The following NRCAM variants were observed in gnomAD, a reference collection of about 807,000 sequenced individuals.
NRCAM encodes NgCAM-related cell adhesion molecule.
In NRCAM, 83 loss-of-function variants were observed where a neutral mutation model predicts 156.5. That is an observed-to-expected ratio of 0.53 (90% confidence interval 0.44 to 0.64). The LOEUF is 0.64. NRCAM is among the 30% of genes least tolerant of loss of function. The pLI, the probability that NRCAM is intolerant of heterozygous loss-of-function variation, is 0.00. For synonymous variants in NRCAM, 538 were observed against 563.9 expected (o/e 0.95, Z 0.65); for missense variants, 1,417 against 1,597.3 (o/e 0.89, Z 1.92).
chr7:108,318,655 T>C (rs998302413), intron 2 of NRCAM, among the ~76,000 whole-genome samples: 1 of 152,046 alleles, frequency 6.6e-6, no homozygotes, highest in African/African-American at 2.4e-5. Context: ...TGAGTGCACA[T>C]GTGTGTGTGG....
intron 2 of NRCAM, among the ~76,000 whole-genome samples, chr7:108,351,096 A>G (rs966973369): frequency 2.0e-5 from 3 of 152,168 alleles, no homozygotes; most frequent in African/African-American, 7.2e-5. Flanking sequence ...CCAATGCAAC[A>G]CTGCTGACAA....
At chr7:108,344,126 C>G (rs373779688) in intron 2 of NRCAM, among the ~76,000 whole-genome samples, 1 of 152,156 alleles carries the variant, frequency 6.6e-6, no homozygotes, top group African/African-American at 2.4e-5. Context: ...ATCGGCCAAC[C>G]TCCCCAACAG....
chr7:108,299,120 AAG>A (rs1205075450), intron 3 of NRCAM, among the ~76,000 whole-genome samples: 6 of 109,294 alleles, frequency 5.5e-5, no homozygotes, highest in Admixed American at 9.4e-5. Context: ...AAAAAAAAGA[AAG>A]AAAGAAAGAA....
At chr7:108,329,384 T>C (rs1421365268) in intron 2 of NRCAM, among the ~76,000 whole-genome samples, 1 of 152,196 alleles carries the variant, frequency 6.6e-6, no homozygotes, top group Non-Finnish European at 1.5e-5. Flanking sequence ...AGGACCTCAT[T>C]GTTGAGGCCG....
At chr7:108,188,080 A>G (rs530452496) in intron 20 of NRCAM, among the ~76,000 whole-genome samples, 5 of 152,228 alleles carry the variant, frequency 3.3e-5, no homozygotes, top group Non-Finnish European at 7.3e-5. Flanking sequence ...CATCTGTAAC[A>G]GGAAGTGGGG....
chr7:108,338,267 T>C (rs751359972), intron 2 of NRCAM, among the ~76,000 whole-genome samples: 1 of 152,198 alleles, frequency 6.6e-6, no homozygotes, highest in Non-Finnish European at 1.5e-5. Context: ...CTTAAAAGGG[T>C]AGCCCCAAAA....
intron 13 of NRCAM, among the ~76,000 whole-genome samples, chr7:108,199,047 T>G (rs1377891271): frequency 6.6e-6 from 1 of 152,216 alleles, no homozygotes; most frequent in African/African-American, 2.4e-5. Context: ...GGGATTTAGG[T>G]CTCTGTCTCA....
chr7:108,231,839 CTCTT>C (rs2094379505), intron 7 of NRCAM, among the ~76,000 whole-genome samples: 1 of 151,978 alleles, frequency 6.6e-6, no homozygotes, highest in Admixed American at 6.6e-5. Flanking sequence ...TAAATACATG[CTCTT>C]AAGGTTTTTG....
At chr7:108,312,562 A>G (rs2098817105) in intron 3 of NRCAM, 103 bp downstream of exon 3, 1 of 152,216 alleles carries the variant, frequency 6.6e-6, no homozygotes, top group Non-Finnish European at 1.5e-5. Flanking sequence ...TCTGGATTGA[A>G]AAGTATTAAA....
intron 19 of NRCAM, among the ~76,000 whole-genome samples, chr7:108,190,820 A>G (rs1325290247): frequency 6.6e-6 from 1 of 152,160 alleles, no homozygotes; most frequent in Non-Finnish European, 1.5e-5. Context: ...CCCCATATAC[A>G]TTTCTTGAAA....
chr7:108,184,443 G>A lies in NRCAM; in HGVS notation c.2207C>T (p.Ser736Phe). ...SIGKSLPSEA[S>F]EQYLTKASEP... The stretch of plus-strand genomic sequence containing the variant: ...TGAGGCTTTCGTCAAATACTGCTCA[G>A]ACGCCTCGCTGGGCAAGCTCTTCCC... Residue 736 changes from serine to phenylalanine, a missense_variant, in exon 21 of 33, where the codon TCT (serine) becomes TTT (phenylalanine). By Grantham distance (155) the Ser-to-Phe change is radical. Around this residue, in one of 2 missense-constraint regions of NRCAM, gnomAD observed 1,238 missense variants for 1,336.4 expected, o/e 0.93. Coordinates refer to ENST00000379028, the MANE Select transcript of NRCAM (RefSeq NM_001037132.4). 6.2e-7 allele frequency: 1 copy of A among 1,614,170 alleles called. No individual in the cohort carries two copies. Among genetic ancestry groups the A allele is most frequent in the Non-Finnish European group, 8.5e-7 (1 of 1,180,038 alleles).
At chr7:108,452,855 T>C (rs1005399500) in intron 1 of NRCAM, among the ~76,000 whole-genome samples, 3 of 152,128 alleles carry the variant, frequency 2.0e-5, no homozygotes, top group African/African-American at 7.2e-5. Flanking sequence ...GGTGAGAATA[T>C]AAGGAAAAAG....
chr7:108,447,026 C>T (rs1845072458), intron 1 of NRCAM, among the ~76,000 whole-genome samples: 1 of 152,166 alleles, frequency 6.6e-6, no homozygotes, highest in East Asian at 1.9e-4. Flanking sequence ...CACACCCAGA[C>T]CCACCTGTCT....
At chr7:108,347,595 C>G (rs1159232697) in intron 2 of NRCAM, among the ~76,000 whole-genome samples, 1 of 152,158 alleles carries the variant, frequency 6.6e-6, no homozygotes, top group South Asian at 2.1e-4. Context: ...CAAAAAAATC[C>G]TTCTAAGGAT....
intron 3 of NRCAM, among the ~76,000 whole-genome samples, chr7:108,295,794 C>A (rs186411646): frequency 5.9e-5 from 9 of 152,328 alleles, no homozygotes; most frequent in East Asian, 1.9e-4. Flanking sequence ...TGGAGAACAG[C>A]ATTTGTGACA....
At chr7:108,299,134 G>GAAAGAAAGAAAGAAAGAAAGAAAGAAAGA (rs1563164581) in intron 3 of NRCAM, among the ~76,000 whole-genome samples, 1 of 85,610 alleles carries the variant, frequency 1.2e-5, no homozygotes, top group African/African-American at 4.5e-5. Context: ...AAGAAAGAAA[G>GAAAGAAAGAAAGAAAGAAAGAAAGAAAGA]AAAGAAAAGA....
At chr7:108,187,155 A>G (rs2067390564) in intron 20 of NRCAM, among the ~76,000 whole-genome samples, 2 of 152,022 alleles carry the variant, frequency 1.3e-5, no homozygotes, top group African/African-American at 4.8e-5. Context: ...TCTATACACT[A>G]TTTTCAATAG....
chr7:108,375,747 T>C (rs1445300204), intron 2 of NRCAM, among the ~76,000 whole-genome samples: 9 of 152,196 alleles, frequency 5.9e-5, no homozygotes, highest in Non-Finnish European at 1.3e-4. Context: ...TTTTATTCCA[T>C]TGTCCTCCAA....
At chr7:108,381,768 C>A (rs994918666) in intron 2 of NRCAM, among the ~76,000 whole-genome samples, 1 of 151,938 alleles carries the variant, frequency 6.6e-6, no homozygotes, top group Non-Finnish European at 1.5e-5. Flanking sequence ...ACCATGTTGG[C>A]CAGGCTGGTC....
Sources: allele counts gnomAD v4.1 joint callset (sites outside exome capture counted in the v4.1 genomes callset), GRCh38; gene constraint gnomAD v4.1.1; regional missense constraint gnomAD v4.1.1; transcripts MANE v1.5; gene names NCBI Gene and HGNC (gene_info 2026-07-23, HGNC 2026-07-21).